Variants in KPNA7 observed in about 807,000 individuals in gnomAD.
KPNA7 encodes the protein karyopherin subunit alpha 7, also known as importin subunit alpha-8.
A neutral mutation model predicts 53.7 loss-of-function variants in KPNA7; 54 were observed. That is an observed-to-expected ratio of 1.01 (90% CI 0.81 to 1.26). The LOEUF is 1.26. Among genes scored for constraint, KPNA7 ranks in the 50% most tolerant of loss-of-function variants. The pLI is 0.00. For synonymous variants in KPNA7, 276 were observed against 259.3 expected (o/e 1.06, Z -0.62); for missense variants, 640 against 644.5 (o/e 0.99, Z 0.07).
chr7:99,177,831 G>A (rs571388926), intron 10 of KPNA7, 89 bp downstream of exon 10: 13 of 1,373,524 alleles, frequency 9.5e-6, no homozygotes, highest in African/African-American at 4.4e-5. Flanking sequence ...CCTGCCACAC[G>A]CAACAGCCCA....
At chr7:99,185,781 G>C (rs1250247451) in intron 7 of KPNA7, among the ~76,000 whole-genome samples, 4 of 150,440 alleles carry the variant, frequency 2.7e-5, no homozygotes, top group East Asian at 1.9e-4. Context: ...CTAAATTGAC[G>C]ATAGTGTTTT....
chr7:99,201,855 C>T (rs34715870), intron 3 of KPNA7, among the ~76,000 whole-genome samples: 2 of 151,532 alleles, frequency 1.3e-5, no homozygotes, highest in Admixed American at 1.3e-4. Flanking sequence ...TTACAGGCAC[C>T]CACTACCACA....
At chr7:99,210,447 C>T (rs1301765770), upstream of KPNA7, among the ~76,000 whole-genome samples, 2 of 152,150 alleles carry the variant, frequency 1.3e-5, no homozygotes, top group Non-Finnish European at 2.9e-5. Flanking sequence ...TTTCACAACA[C>T]ATGACAAAGT....
chr7:99,188,436 C>G lies in KPNA7; in HGVS notation c.764G>C (p.Ser255Thr). The change falls in exon 7 of 11, where the codon AGT (serine) becomes ACT (threonine). Residue 255 changes from serine to threonine, a missense_variant. Coordinates refer to ENST00000327442, the MANE Select transcript of KPNA7 (RefSeq NM_001145715.3). ...ALLHLLQHQD[S>T]EVLSDACWAL... Reference sequence around the variant, plus strand: ...CCAGCAGGCATCCGAGAGAACCTCACTGTCCTGGTGCTGCAGGAGGTGAAG... The same window carrying G: ...CCAGCAGGCATCCGAGAGAACCTCAGTGTCCTGGTGCTGCAGGAGGTGAAG... 1 of 1,551,694 alleles carries G rather than the reference C, an allele frequency of 6.4e-7. No individual in the cohort carries two copies. The highest frequency in any genetic ancestry group is 8.7e-7 in the Non-Finnish European group (1 of 1,147,014).
At chr7:99,197,148 G>C (rs2068318066) in intron 3 of KPNA7, among the ~76,000 whole-genome samples, 1 of 152,208 alleles carries the variant, frequency 6.6e-6, no homozygotes, top group Admixed American at 6.6e-5. Flanking sequence ...GCCTGGCTGA[G>C]TGGTGAACGC....
At chr7:99,204,402 T>C (rs374282123) in intron 2 of KPNA7, among the ~76,000 whole-genome samples, 8 of 151,804 alleles carry the variant, frequency 5.3e-5, no homozygotes, top group African/African-American at 1.9e-4. Context: ...AATCTCTCTC[T>C]CCCCTCCCCG....
chr7:99,188,122 C>G (rs1306293745), intron 7 of KPNA7, among the ~76,000 whole-genome samples, 178 bp downstream of exon 7: 1 of 130,360 alleles, frequency 7.7e-6, no homozygotes, highest in African/African-American at 2.9e-5. Context: ...TTGCAATGAG[C>G]TGAGATTGTG....
At chr7:99,189,039 G>A (rs917449445) in intron 6 of KPNA7, among the ~76,000 whole-genome samples, 1 of 152,098 alleles carries the variant, frequency 6.6e-6, no homozygotes, top group African/African-American at 2.4e-5. Context: ...TGTGTATTAG[G>A]GACACAGAAC....
At chr7:99,187,997 A>G (rs1053249466) in intron 7 of KPNA7, among the ~76,000 whole-genome samples, 4 of 150,786 alleles carry the variant, frequency 2.7e-5, no homozygotes, top group Non-Finnish European at 4.4e-5. Context: ...CCAACATGGT[A>G]AAACCCTGTC....
chr7:99,195,635 G>A (rs781358147), intron 4 of KPNA7, among the ~76,000 whole-genome samples: 1 of 152,094 alleles, frequency 6.6e-6, no homozygotes, highest in South Asian at 2.1e-4. Flanking sequence ...CCCAGTAGGC[G>A]GAGGTTGCAG....
At chr7:99,190,341 A>C (rs1563077412) in intron 6 of KPNA7, among the ~76,000 whole-genome samples, 1 of 151,624 alleles carries the variant, frequency 6.6e-6, no homozygotes, top group East Asian at 1.9e-4. Context: ...GTCTCAAAAA[A>C]AAAAAAAAGC....
upstream of KPNA7, among the ~76,000 whole-genome samples, chr7:99,212,299 C>T (rs982291436): frequency 5.5e-5 from 7 of 128,154 alleles, no homozygotes; most frequent in African/African-American, 1.8e-4. Flanking sequence ...GGCTGGAGTG[C>T]AGTGGTGCGA....
chr7:99,148,882 C>G, the KPNA7 span, among the ~76,000 whole-genome samples: 2 of 146,822 alleles, frequency 1.4e-5, no homozygotes. Context: ...CCACCGCACT[C>G]AGCCCAAGAA....
intron 9 of KPNA7, among the ~76,000 whole-genome samples, chr7:99,180,977 G>C (rs199891668): frequency 1.2e-5 from 1 of 82,122 alleles, no homozygotes; most frequent in Admixed American, 1.6e-4. Context: ...CTCTCTCCCC[G>C]TCTGTGTCTC....
At chr7:99,212,330 C>T (rs1166531499), upstream of KPNA7, among the ~76,000 whole-genome samples, 1 of 149,384 alleles carries the variant, frequency 6.7e-6, no homozygotes, top group East Asian at 2.0e-4. Flanking sequence ...CTGCAACCTC[C>T]ACCTCTCGGT....
chr7:99,191,950 G>T (rs1789978082), intron 6 of KPNA7, among the ~76,000 whole-genome samples: 2 of 152,146 alleles, frequency 1.3e-5, no homozygotes, highest in African/African-American at 4.8e-5. Context: ...GTTCCCAGAT[G>T]AAGGTTTTGA....
chr7:99,182,121 A>G, intron 8 of KPNA7, 56 bp from the exon 9 acceptor site: 1 of 1,322,444 alleles, frequency 7.6e-7, no homozygotes, highest in Non-Finnish European at 1.0e-6. Flanking sequence ...TAAATAGAGG[A>G]CACCAACTTG....
At chr7:99,156,384 G>T in the KPNA7 span, among the ~76,000 whole-genome samples, 40 of 152,124 alleles carry the variant, frequency 2.6e-4, 1 homozygote. Context: ...TCTATTTTTT[G>T]TTTCTGGAAA....
the KPNA7 span, among the ~76,000 whole-genome samples, chr7:99,168,407 C>T: frequency 2.0e-5 from 3 of 152,176 alleles, no homozygotes; most frequent in East Asian, 1.9e-4. Flanking sequence ...GCAAAACCCC[C>T]CTCCCCTCCC....
Sources: gnomAD v4.1 joint callset for allele counts (sites outside exome capture counted in the v4.1 genomes callset) on GRCh38, gnomAD v4.1.1 for gene constraint, MANE v1.5 for transcripts, NCBI Gene and HGNC (gene_info 2026-07-23, HGNC 2026-07-21) for gene names.